Variants in MINDY4 observed in about 807,000 individuals in gnomAD.
MINDY4 encodes the protein MINDY lysine 48 deubiquitinase 4.
MINDY4 carries 68 observed loss-of-function variants against 87.0 expected under a neutral mutation model. The ratio of observed to expected loss-of-function variants is 0.78; its 90% CI spans 0.64 to 0.96. MINDY4 has a LOEUF of 0.96. MINDY4 is among the 40% of genes least tolerant of loss of function. The probability of loss-of-function intolerance (pLI) is 0.00; values close to 1 mark genes in which losing one functional copy is unlikely to be tolerated. For synonymous variants in MINDY4, 379 were observed against 363.2 expected (o/e 1.04, Z -0.50); for missense variants, 919 against 928.2 (o/e 0.99, Z 0.13).
chr7:30,879,923 TCTTA>T lies in MINDY4; in HGVS notation c.1972-2253_1972-2250del, dbSNP rs1294168796. Among the ~76,000 whole-genome samples, 12 of 148,496 alleles carry T rather than the reference TCTTA, an allele frequency of 8.1e-5. 2 individuals are homozygous for T. The highest frequency in any genetic ancestry group is 2.6e-4 in the African/African-American group (10 of 38,000). ...GTCAGACTTTGACACACCTGCTTTT[TCTTA>T]CTTAGTGATACAAAAAATAATGGCG... On this transcript the variant is annotated intron_variant, in intron 15 of 17. Transcript: ENST00000265299.
At chr7:30,793,825 G>A (rs1039059266) in intron 5 of MINDY4, among the ~76,000 whole-genome samples, 8 of 152,164 alleles carry the variant, frequency 5.3e-5, no homozygotes, top group African/African-American at 1.7e-4. Context: ...CACTTCCTCC[G>A]TTAGGGTGGA....
chr7:30,802,692 T>C (rs1562535785), intron 5 of MINDY4, among the ~76,000 whole-genome samples: 1 of 152,230 alleles, frequency 6.6e-6, no homozygotes, highest in South Asian at 2.1e-4. Flanking sequence ...ATTTGAACTT[T>C]AGTTTGCCTG....
chr7:30,834,751 C>G (rs1788807850), intron 6 of MINDY4, among the ~76,000 whole-genome samples: 1 of 152,154 alleles, frequency 6.6e-6, no homozygotes, highest in African/African-American at 2.4e-5. Context: ...GAATGCTTTG[C>G]TGCTTAGAAA....
intron 17 of MINDY4, among the ~76,000 whole-genome samples, chr7:30,889,476 A>G (rs954364095): frequency 6.6e-6 from 1 of 152,140 alleles, no homozygotes; most frequent in African/African-American, 2.4e-5. Flanking sequence ...TCCACCCCCA[A>G]ATAGTATCAG....
chr7:30,792,979 G>C (rs1214357554), intron 5 of MINDY4, among the ~76,000 whole-genome samples: 1 of 148,422 alleles, frequency 6.7e-6, no homozygotes, highest in Admixed American at 6.7e-5. Context: ...TGTTTTGTCT[G>C]TATTCCGTAA....
intron 5 of MINDY4, among the ~76,000 whole-genome samples, chr7:30,824,202 G>T (rs979362797): frequency 2.6e-5 from 4 of 152,280 alleles, no homozygotes; most frequent in Admixed American, 6.5e-5. Flanking sequence ...TGCTAGTGGG[G>T]GCTCTCTGCA....
intron 5 of MINDY4, among the ~76,000 whole-genome samples, chr7:30,809,230 AC>A (rs1787909742): frequency 6.6e-6 from 1 of 152,142 alleles, no homozygotes; most frequent in East Asian, 1.9e-4. Flanking sequence ...AAATTCCTTA[AC>A]CCAGTAACCT....
chr7:30,775,915 A>C (rs1786796388), intron 1 of MINDY4, among the ~76,000 whole-genome samples: 1 of 152,218 alleles, frequency 6.6e-6, no homozygotes, highest in Non-Finnish European at 1.5e-5. Flanking sequence ...GCCTGGGCCC[A>C]AAACTTTGGA....
At chr7:30,866,022 A>G (rs1217191823) in intron 13 of MINDY4, among the ~76,000 whole-genome samples, 1 of 152,234 alleles carries the variant, frequency 6.6e-6, no homozygotes, top group Non-Finnish European at 1.5e-5. Context: ...AAGCAAGCCA[A>G]CTGTGCCTGG....
chr7:30,887,976 C>T (rs990408212), intron 17 of MINDY4, among the ~76,000 whole-genome samples: 3 of 152,194 alleles, frequency 2.0e-5, no homozygotes, highest in Non-Finnish European at 4.4e-5. Context: ...GCCTATTTGT[C>T]TGGAGATTTA....
At position 30,882,168 on chromosome 7, in the gene MINDY4, C is replaced by T. The variant is rs1361695067; in HGVS notation, c.1972-13C>T. 6.3e-7 allele frequency: 1 copy of T among 1,595,822 alleles called. No individual in the cohort carries two copies. Among genetic ancestry groups the T allele is most frequent in the Non-Finnish European group, 8.6e-7 (1 of 1,167,176 alleles). ...GGGGACGGCATTTCACATCAGGCCT[C>T]TCCCTCATCCAGGTTGGCTGCTTCC... On this transcript the variant is annotated splice_polypyrimidine_tract_variant and intron_variant, in intron 15 of 17. Coordinates refer to ENST00000265299, the MANE Select transcript of MINDY4 (RefSeq NM_032222.3).
chr7:30,823,270 C>G (rs1788395595), intron 5 of MINDY4, among the ~76,000 whole-genome samples: 1 of 152,152 alleles, frequency 6.6e-6, no homozygotes, highest in Non-Finnish European at 1.5e-5. Context: ...TATGAATATC[C>G]TGTTCCTCAA....
rs143893207 is a variant in MINDY4 at position 30,855,425 on chromosome 7, G to T, written c.1677+1966G>T. On this transcript the variant is annotated intron_variant, in intron 12 of 17. Transcript: ENST00000265299. ...AGAGCCTGATGGCATCCGTGTGTGG[G>T]ATCTGGCCAGGGTGGCCAGGAATGG... 4.4e-3 allele frequency among the ~76,000 whole-genome samples: 672 copies of T among 152,332 alleles called. 3 individuals carry two copies. The highest frequency in any genetic ancestry group is 0.015 in the African/African-American group (610 of 41,562).
chr7:30,795,593 A>G (rs1044142069), intron 5 of MINDY4, among the ~76,000 whole-genome samples: 1 of 152,202 alleles, frequency 6.6e-6, no homozygotes, highest in African/African-American at 2.4e-5. Context: ...AGAGGGGTGC[A>G]TGTGTTTCCT....
intron 4 of MINDY4, among the ~76,000 whole-genome samples, chr7:30,788,832 C>T (rs1431450483): frequency 2.6e-5 from 4 of 152,350 alleles, no homozygotes; most frequent in South Asian, 2.1e-4. Flanking sequence ...CACTGTGTCA[C>T]TCAGGGTGTT....
chr7:30,829,440 C>T (rs1788630145), intron 6 of MINDY4, among the ~76,000 whole-genome samples: 1 of 152,194 alleles, frequency 6.6e-6, no homozygotes, highest in Non-Finnish European at 1.5e-5. Flanking sequence ...TTTCTGGAGC[C>T]AACAGTTTAC....
At chr7:30,839,582 G>C (rs1337982505) in intron 8 of MINDY4, among the ~76,000 whole-genome samples, 1 of 152,216 alleles carries the variant, frequency 6.6e-6, no homozygotes, top group East Asian at 1.9e-4. Context: ...TGCAGGTGCT[G>C]GGATCCTCAG....
intron 5 of MINDY4, among the ~76,000 whole-genome samples, chr7:30,820,425 C>T (rs1270234097): frequency 6.6e-6 from 1 of 152,052 alleles, no homozygotes; most frequent in Non-Finnish European, 1.5e-5. Flanking sequence ...GCATTTAGTA[C>T]ATTCACAGTG....
intron 15 of MINDY4, among the ~76,000 whole-genome samples, chr7:30,876,255 CATCA>C (rs1790254248): frequency 6.6e-6 from 1 of 152,194 alleles, no homozygotes; most frequent in African/African-American, 2.4e-5. Flanking sequence ...CTCCATCCAT[CATCA>C]CAGGGCCACC....
Sources: gnomAD v4.1 joint callset for allele counts (sites outside exome capture counted in the v4.1 genomes callset) on GRCh38, gnomAD v4.1.1 for gene constraint, MANE v1.5 for transcripts, NCBI Gene and HGNC (gene_info 2026-07-23, HGNC 2026-07-21) for gene names.